Variants in RNF168 observed in about 807,000 individuals in gnomAD.
The protein encoded by RNF168 is ring finger protein 168, also known as E3 ubiquitin-protein ligase RNF168.
In RNF168, 34 loss-of-function variants were observed where a neutral mutation model predicts 34.9. The ratio of observed to expected loss-of-function variants is 0.97; its 90% CI spans 0.74 to 1.30. RNF168 has a LOEUF of 1.30. Ranked by LOEUF, RNF168 falls within the 50% of genes most tolerant of loss-of-function variation. RNF168 has a pLI of 0.00. For synonymous variants in RNF168, 264 were observed against 254.7 expected (o/e 1.04, Z -0.35); for missense variants, 725 against 682.5 (o/e 1.06, Z -0.69).
At position 196,499,201 on chromosome 3, in the gene RNF168, C is replaced by G. The variant is rs368934114; in HGVS notation, c.301+3672G>C. 3.1e-4 allele frequency among the ~76,000 whole-genome samples: 47 copies of G among 151,982 alleles called. 1 individual carries two copies. The South Asian group carries it at 8.3e-3, about 27-fold the overall frequency. ...AAAAAAGAGAGAGACACAGAGGAGA[C>G]GGCCATGTAAAGACAGACACACCGG... On this transcript the variant is annotated intron_variant, in intron 1 of 5. Transcript: ENST00000318037.
rs921594645 is a variant in RNF168, at chr3:196,484,021, T to A, written c.559-130A>T. 16 of 740,600 alleles carry A rather than the reference T, an allele frequency of 2.2e-5. No homozygotes were observed. In the African/African-American group the frequency reaches 2.5e-4, roughly 11 times the overall value. 45.9% of individuals were successfully genotyped at this position (740,600 alleles called of 1,614,324 possible). Reference sequence around the variant, plus strand: ...TATAGTTATATTTAAATTCTGTACATCTCTTGAAGAATATTGACCATGCAA... The same window carrying A: ...TATAGTTATATTTAAATTCTGTACAACTCTTGAAGAATATTGACCATGCAA... On this transcript the variant is annotated intron_variant, in intron 3 of 5. Transcript: ENST00000318037.
intron 3 of RNF168, among the ~76,000 whole-genome samples, chr3:196,487,176 C>G (rs1732450147): frequency 1.3e-5 from 2 of 152,238 alleles, no homozygotes; most frequent in African/African-American, 4.8e-5. Flanking sequence ...GCCATCTCTT[C>G]TGTTCTTTGA....
In RNF168 at chr3:196,475,231, C is replaced by T. The variant is rs375662629; in HGVS notation, c.762G>A (p.Lys254=). 1.3e-6 allele frequency: 2 copies of T among 1,547,384 alleles called. No homozygotes were observed. The highest frequency in any genetic ancestry group is 1.8e-6 in the Non-Finnish European group (2 of 1,119,106). Residue 254 remains lysine, a splice_region_variant and synonymous_variant, in exon 5 of 6, where the codon AAG becomes AAA. Coordinates refer to ENST00000318037, the MANE Select transcript of RNF168 (RefSeq NM_152617.4). ...VQEVRKDSVS[K]DIDSSDRKSP... ...CAGAACATCTTCAGTATCAACATAC[C>T]TTAGATACGGAGTCTTTCCTGACTT...
chr3:196,488,745 C>G (rs1732518837), intron 1 of RNF168, 62 bp from the exon 2 acceptor site: 10 of 1,086,786 alleles, frequency 9.2e-6, no homozygotes, highest in Non-Finnish European at 1.4e-5. Flanking sequence ...TAACTTTGGT[C>G]TTCCATTAAA....
At chr3:196,475,972 G>A (rs978630002) in intron 4 of RNF168, among the ~76,000 whole-genome samples, 1 of 151,422 alleles carries the variant, frequency 6.6e-6, no homozygotes, top group Non-Finnish European at 1.5e-5. Flanking sequence ...CGATTTTTCT[G>A]CCTTAGCCTC....
At chr3:196,495,323 G>C (rs190123188) in intron 1 of RNF168, among the ~76,000 whole-genome samples, 3 of 152,070 alleles carry the variant, frequency 2.0e-5, no homozygotes, top group Non-Finnish European at 4.4e-5. Context: ...AATTAACATT[G>C]ATATATTACC....
rs1384875945 is a variant in RNF168 at position 196,487,590 on chromosome 3, T to C, written c.379-12A>G. On this transcript the variant is annotated splice_polypyrimidine_tract_variant and intron_variant, in intron 2 of 5. Transcript: ENST00000318037. ...CGCTCTGCCGCCACCTTAAAAGTGA[T>C]TAATAAAGAGCAATCCTTCTCTGAA... 11 of 1,613,396 alleles carry C rather than the reference T, an allele frequency of 6.8e-6. No homozygotes were observed. Among genetic ancestry groups the C allele is most frequent in the Non-Finnish European group, 9.3e-6 (11 of 1,179,348 alleles).
Position 196,471,963 on chromosome 3 carries a change from C to CT in RNF168, c.1571dup (p.Met525AspfsTer8). 3 of 1,614,184 alleles carry CT rather than the reference C, an allele frequency of 1.9e-6. No individual in the cohort carries two copies. The highest frequency in any genetic ancestry group is 2.5e-6 in the Non-Finnish European group (3 of 1,179,996). ...TATTAACTGACTGCTTCAACTGCAT[C>CT]TTTAAAGACACTTGCCTATTTTTGT... is the stretch of plus-strand genomic sequence containing the variant. On this transcript the variant is annotated frameshift_variant, in exon 6 of 6. Coordinates refer to ENST00000318037, the MANE Select transcript of RNF168 (RefSeq NM_152617.4). LOFTEE classifies it high-confidence loss of function.
intron 1 of RNF168, among the ~76,000 whole-genome samples, chr3:196,492,642 G>C (rs1203269318): frequency 2.0e-5 from 3 of 152,050 alleles, no homozygotes; most frequent in Admixed American, 6.6e-5. Flanking sequence ...GCCACGTGTG[G>C]TGGTGCACGC....
At chr3:196,500,470 G>A (rs377438905) in intron 1 of RNF168, among the ~76,000 whole-genome samples, 1 of 152,146 alleles carries the variant, frequency 6.6e-6, no homozygotes, top group South Asian at 2.1e-4. Context: ...CACAGAAATG[G>A]AAAGGAGAAC....
intron 1 of RNF168, among the ~76,000 whole-genome samples, chr3:196,502,227 A>T (rs1732912553): frequency 6.6e-6 from 1 of 152,066 alleles, no homozygotes; most frequent in Non-Finnish European, 1.5e-5. Context: ...GAGTGATAAA[A>T]AAGCGACTTT....
intron 4 of RNF168, among the ~76,000 whole-genome samples, chr3:196,479,033 C>T (rs530418880): frequency 5.1e-4 from 73 of 144,222 alleles, no homozygotes; most frequent in Non-Finnish European, 9.5e-4. Flanking sequence ...TTTTTTGAGA[C>T]GGCGTCTCAC....
At chr3:196,491,010 T>C (rs921379572) in intron 1 of RNF168, among the ~76,000 whole-genome samples, 1 of 152,184 alleles carries the variant, frequency 6.6e-6, no homozygotes, top group Non-Finnish European at 1.5e-5. Context: ...AGTCAAACTA[T>C]TTTCATTTAA....
chr3:196,473,253 C>T (rs1560265961), intron 5 of RNF168, among the ~76,000 whole-genome samples: 1 of 152,124 alleles, frequency 6.6e-6, no homozygotes, highest in African/African-American at 2.4e-5. Context: ...CTCCTTTTGG[C>T]ATTTAGGTGA....
intron 1 of RNF168, among the ~76,000 whole-genome samples, chr3:196,489,331 T>A (rs944854239): frequency 6.9e-6 from 1 of 144,682 alleles, no homozygotes; most frequent in African/African-American, 2.8e-5. Context: ...TAAAAAAAAA[T>A]GTTTTTTTTT....
At chr3:196,487,316 G>C (rs1732453794) in intron 3 of RNF168, 83 bp downstream of exon 3, 1 of 1,151,438 alleles carries the variant, frequency 8.7e-7, no homozygotes, top group African/African-American at 1.5e-5. Flanking sequence ...GAAATACAAG[G>C]AGCTGACTCT....
intron 3 of RNF168, among the ~76,000 whole-genome samples, chr3:196,485,653 T>C (rs1433641848): frequency 6.6e-6 from 1 of 152,046 alleles, no homozygotes; most frequent in Non-Finnish European, 1.5e-5. Context: ...CGATTCTACT[T>C]AAAAAAGACA....
At chr3:196,481,533 GTTTC>G (rs1056181289) in intron 4 of RNF168, among the ~76,000 whole-genome samples, 2 of 151,810 alleles carry the variant, frequency 1.3e-5, no homozygotes, top group Non-Finnish European at 2.9e-5. Flanking sequence ...GGTTAAGAAA[GTTTC>G]TTTCTGTTAC....
intron 1 of RNF168, among the ~76,000 whole-genome samples, chr3:196,489,701 TGAAG>T (rs1277344664): frequency 1.3e-5 from 2 of 152,134 alleles, no homozygotes; most frequent in Middle Eastern, 3.4e-3. Context: ...ACAGCAGAAA[TGAAG>T]GAAAAGAAAT....
Sources: gnomAD v4.1 joint callset for allele counts (sites outside exome capture counted in the v4.1 genomes callset) on GRCh38, gnomAD v4.1.1 for gene constraint, MANE v1.5 for transcripts, NCBI Gene and HGNC (gene_info 2026-07-23, HGNC 2026-07-21) for gene names.